Variants in ARMCX4 observed in about 807,000 individuals in gnomAD.
ARMCX4 encodes the protein armadillo repeat containing X-linked 4.
Under a neutral mutation model 34.7 loss-of-function variants are expected in ARMCX4, and 3 were observed. The ratio of observed to expected loss-of-function variants is 0.09; its 90% CI spans 0.04 to 0.22. The LOEUF is 0.22. Among genes scored for constraint, ARMCX4 ranks in the 10% least tolerant of loss-of-function variants. The pLI is 1.00. For synonymous variants in ARMCX4, 513 were observed against 632.8 expected (o/e 0.81, Z 2.84); for missense variants, 1,448 against 1,720.8 (o/e 0.84, Z 2.81).
chrX:101,493,798 C>G lies in ARMCX4; in HGVS notation c.5209C>G (p.Pro1737Ala). 1 of 1,153,227 alleles carries G rather than the reference C, an allele frequency of 8.7e-7. No individual in the cohort carries two copies. Residue 1737 changes from proline to alanine, a missense_variant, in exon 6 of 6, where the codon CCT becomes GCT. Pro to Ala is a conservative substitution (Grantham distance 27). Transcript: ENST00000423738. ...VEANEGFWFG[P>A]GAEAVIGSWC... ...GGCCAATGAAGGATTCTGGTTTGGG[C>G]CTGGAGCTGAGGCCGTTATAGGGTC... is the stretch of plus-strand genomic sequence containing the variant.
At chrX:101,443,643 A>T (rs901528259) in intron 2 of ARMCX4, 2 of 187,134 alleles carry the variant, frequency 1.1e-5, no homozygotes, top group Non-Finnish European at 2.0e-5. Context: ...CTTCTGAGCT[A>T]CAGAAGGAAT....
At chrX:101,462,283 A>C (rs1387930333) in intron 4 of ARMCX4, among the ~76,000 whole-genome samples, 1 of 111,636 alleles carries the variant, frequency 9.0e-6, no homozygotes. Context: ...TGAAAGGATA[A>C]ATTTAATTTA....
intron 2 of ARMCX4, among the ~76,000 whole-genome samples, chrX:101,421,765 C>A (rs1212292863): frequency 9.1e-6 from 1 of 110,346 alleles, no homozygotes; most frequent in Non-Finnish European, 1.9e-5. Context: ...ATTAATCCCA[C>A]CTGTGAGGGT....
At chrX:101,482,718 C>T (rs1933504737), upstream of ARMCX4, among the ~76,000 whole-genome samples, 2 of 110,663 alleles carry the variant, frequency 1.8e-5, no homozygotes, top group African/African-American at 6.6e-5. Context: ...GAATTTTATA[C>T]TAGAATTGTA....
rs782782987 is a variant in ARMCX4, at chrX:101,507,933, T to C, written c.*1597-1431T>C. On this transcript the variant is annotated intron_variant and NMD_transcript_variant, in intron 8 of 12. Coordinates refer to the ARMCX4 transcript ENST00000354842. ...ATAAGATTATAATGAAGCTGAAAAA[T>C]TCCTATCAGCTAGTGATGTCGTAGC... Among the ~76,000 whole-genome samples, 6 of 112,442 alleles carry C rather than the reference T, an allele frequency of 5.3e-5. No individual in the cohort carries two copies. The Admixed American group carries it at 5.7e-4, about 11-fold the overall frequency.
At chrX:101,533,664 C>A (rs1431351652), downstream of ARMCX4, among the ~76,000 whole-genome samples, 2 of 111,875 alleles carry the variant, frequency 1.8e-5, no homozygotes, top group Admixed American at 1.9e-4. Context: ...CTGGATGCAA[C>A]TCACTGAAGT....
chrX:101,491,563 G>A lies in ARMCX4; in HGVS notation c.2974G>A (p.Ala992Thr). The A allele has an allele frequency of 1.7e-6, 2 of 1,156,334 alleles. No homozygotes were observed. Among genetic ancestry groups the A allele is most frequent in the Non-Finnish European group, 2.3e-6 (2 of 873,035 alleles). The change falls in exon 6 of 6, where the codon GCT becomes ACT. Residue 992 changes from alanine (A) to threonine (T), a missense_variant. Physicochemically the swap from Ala to Thr is moderately conservative, Grantham distance 58 (BLOSUM62 0). This residue lies in a region of ARMCX4 where 1,343 missense variants were observed against 1,540.7 expected (regional missense o/e 0.87). Coordinates refer to ENST00000423738, the MANE Select transcript of ARMCX4 (RefSeq NM_001256155.3). ...TACAGTGGGCTCTGCCCAGCCCCAAGCTGTCGCTAATTCCCAGAGTGAGAC... is the reference window on the plus strand; with the variant it reads ...TACAGTGGGCTCTGCCCAGCCCCAAACTGTCGCTAATTCCCAGAGTGAGAC... ...ADTVGSAQPQ[A>T]VANSQSETLL... is the part of the protein sequence containing the mutation.
intron 8 of ARMCX4, among the ~76,000 whole-genome samples, chrX:101,507,421 A>G (rs193160096): frequency 2.7e-5 from 3 of 111,878 alleles, no homozygotes; most frequent in Non-Finnish European, 5.6e-5. Flanking sequence ...GGCATCTATT[A>G]TATATTATTG....
downstream of ARMCX4, among the ~76,000 whole-genome samples, chrX:101,451,341 A>G (rs1931968509): frequency 9.0e-6 from 1 of 111,353 alleles, no homozygotes; most frequent in Non-Finnish European, 1.9e-5. Flanking sequence ...TTCTGCTATA[A>G]CGGGGCATCA....
At chrX:101,443,565 G>A (rs1253652723) in intron 2 of ARMCX4, 2 of 128,415 alleles carry the variant, frequency 1.6e-5, no homozygotes, top group African/African-American at 6.4e-5. Context: ...AGGAAAATAT[G>A]GAACCCAAAA....
At chrX:101,424,526 G>A (rs1555990607) in intron 2 of ARMCX4, among the ~76,000 whole-genome samples, 2 of 111,453 alleles carry the variant, frequency 1.8e-5, no homozygotes. Flanking sequence ...TGTGGGATCT[G>A]ACACTATCTC....
chrX:101,457,275 A>C (rs1000015794), intron 4 of ARMCX4, among the ~76,000 whole-genome samples: 2 of 111,936 alleles, frequency 1.8e-5, no homozygotes, highest in African/African-American at 6.5e-5. Flanking sequence ...TATTTCATAA[A>C]TGTTATTTGT....
chrX:101,483,743 A>G (rs147329356), upstream of ARMCX4, among the ~76,000 whole-genome samples: 536 of 110,905 alleles, frequency 4.8e-3, 1 homozygote, highest in African/African-American at 0.017. Flanking sequence ...TAATTTATCA[A>G]TATTTTCCTT....
intron 2 of ARMCX4, among the ~76,000 whole-genome samples, chrX:101,427,097 G>A (rs1302666119): frequency 9.0e-6 from 1 of 111,340 alleles, no homozygotes; most frequent in Non-Finnish European, 1.9e-5. Context: ...ATTTTCTATA[G>A]AGAGTACATA....
intron 8 of ARMCX4, among the ~76,000 whole-genome samples, chrX:101,506,847 C>G (rs1186954312): frequency 9.0e-6 from 1 of 111,182 alleles, no homozygotes; most frequent in Non-Finnish European, 1.9e-5. Flanking sequence ...TCCTACAGAA[C>G]CTTCCTTCAT....
chrX:101,474,625 T>A (rs1270919173), intron 4 of ARMCX4, among the ~76,000 whole-genome samples: 1 of 105,608 alleles, frequency 9.5e-6, no homozygotes, highest in African/African-American at 3.5e-5. Flanking sequence ...TCAAGTGGGC[T>A]TCATTCCTGG....
downstream of ARMCX4, among the ~76,000 whole-genome samples, chrX:101,450,740 G>A (rs1173776379): frequency 8.9e-6 from 1 of 111,991 alleles, no homozygotes; most frequent in African/African-American, 3.2e-5. Flanking sequence ...GGATATTGCT[G>A]CTGGTTATTC....
chrX:101,487,075 T>G (rs1311339894), intron 2 of ARMCX4, 118 bp from the exon 3 acceptor site: 4 of 106,692 alleles, frequency 3.7e-5, no homozygotes, highest in Non-Finnish European at 5.8e-5. Flanking sequence ...TTTTTTTTTT[T>G]TCTGCCAGCA....
At chrX:101,437,134 T>C (rs1322417182) in intron 2 of ARMCX4, among the ~76,000 whole-genome samples, 1 of 111,954 alleles carries the variant, frequency 8.9e-6, no homozygotes, top group Non-Finnish European at 1.9e-5. Context: ...TGTCAGGCTT[T>C]GGTATCAAGA....
Sources: gnomAD v4.1 joint callset for allele counts (sites outside exome capture counted in the v4.1 genomes callset) on GRCh38, gnomAD v4.1.1 for gene constraint, gnomAD v4.1.1 regional missense constraint, MANE v1.5 for transcripts, NCBI Gene and HGNC (gene_info 2026-07-23, HGNC 2026-07-21) for gene names.